Variants in ITGA9 observed in about 807,000 individuals in gnomAD.
The protein encoded by ITGA9 is integrin alpha-9.
In ITGA9, 56 loss-of-function variants were observed where a neutral mutation model predicts 127.8. That is an observed-to-expected ratio of 0.44 (90% CI 0.35 to 0.55). The LOEUF (loss-of-function observed/expected upper bound fraction) is 0.55, where lower values mean the gene tolerates loss of function less well. ITGA9 is among the 20% of genes least tolerant of loss of function. The pLI is 0.00. For synonymous variants in ITGA9, 508 were observed against 514.5 expected (o/e 0.99, Z 0.17); for missense variants, 1,196 against 1,347.1 (o/e 0.89, Z 1.76).
At chr3:37,689,786 C>A (rs757897728) in intron 18 of ITGA9, among the ~76,000 whole-genome samples, 1 of 152,168 alleles carries the variant, frequency 6.6e-6, no homozygotes, top group African/African-American at 2.4e-5. Context: ...GCCCTGGAGC[C>A]GTTTGGCACA....
At chr3:37,549,978 C>T (rs144149511) in intron 15 of ITGA9, among the ~76,000 whole-genome samples, 5 of 152,230 alleles carry the variant, frequency 3.3e-5, no homozygotes, top group East Asian at 1.9e-4. Flanking sequence ...CAGGTAATAG[C>T]GATAAAAGCA....
chr3:37,551,356 G>A (rs1053417933), intron 15 of ITGA9, among the ~76,000 whole-genome samples: 6 of 152,166 alleles, frequency 3.9e-5, no homozygotes, highest in Non-Finnish European at 8.8e-5. Flanking sequence ...TGTTGGGCTT[G>A]CTTGGAGGGG....
chr3:37,794,888 C>T (rs933624220), intron 26 of ITGA9, among the ~76,000 whole-genome samples: 1 of 152,162 alleles, frequency 6.6e-6, no homozygotes, highest in African/African-American at 2.4e-5. Context: ...TTTATGTCGT[C>T]TCCATAAGTC....
chr3:37,564,398 C>T (rs990244495), intron 15 of ITGA9, among the ~76,000 whole-genome samples: 8 of 152,178 alleles, frequency 5.3e-5, no homozygotes, highest in African/African-American at 1.9e-4. Flanking sequence ...CTGGGGTCCT[C>T]ACCATTTATA....
chr3:37,760,471 C>T (rs1001825010), intron 23 of ITGA9, among the ~76,000 whole-genome samples: 1 of 151,880 alleles, frequency 6.6e-6, no homozygotes, highest in African/African-American at 2.4e-5. Flanking sequence ...TTGTGGGACA[C>T]CACAAAGTTT....
At chr3:37,653,163 T>A (rs149009900) in intron 16 of ITGA9, among the ~76,000 whole-genome samples, 1 of 152,308 alleles carries the variant, frequency 6.6e-6, no homozygotes, top group East Asian at 1.9e-4. Flanking sequence ...CTGGAAAGAA[T>A]CTCCCCCAGT....
intron 17 of ITGA9, among the ~76,000 whole-genome samples, chr3:37,674,479 T>C (rs1700663932): frequency 6.6e-6 from 1 of 152,206 alleles, no homozygotes; most frequent in South Asian, 2.1e-4. Flanking sequence ...TGCTGACATG[T>C]ATATCTTCTT....
Position 37,549,299 on chromosome 3 carries a change from A to G in ITGA9, c.1689+6714A>G, listed in dbSNP as rs1408649695. Among the ~76,000 whole-genome samples, 4 of 152,242 alleles carry G rather than the reference A, an allele frequency of 2.6e-5. No individual in the cohort carries two copies. In the East Asian group the frequency reaches 7.7e-4, roughly 29 times the overall value. On this transcript the variant is annotated intron_variant, in intron 15 of 27. Transcript: ENST00000264741. ...TCTTCTGCATTTGGACACTTGCCAC[A>G]GAGGACATTGTGATTAGCAAAGGAA...
intron 15 of ITGA9, among the ~76,000 whole-genome samples, chr3:37,616,552 G>T (rs1432854194): frequency 2.0e-5 from 3 of 152,188 alleles, no homozygotes; most frequent in African/African-American, 7.2e-5. Flanking sequence ...TCTGTCTAAT[G>T]TTGACAGTGG....
intron 26 of ITGA9, among the ~76,000 whole-genome samples, chr3:37,798,715 T>C (rs1187696926): frequency 6.6e-6 from 1 of 152,240 alleles, no homozygotes; most frequent in East Asian, 1.9e-4. Context: ...TAGAATTTAT[T>C]GCCTTGTAGG....
intron 23 of ITGA9, among the ~76,000 whole-genome samples, chr3:37,762,672 C>A (rs144084958): frequency 5.8e-4 from 88 of 152,356 alleles, no homozygotes; most frequent in African/African-American, 2.1e-3. Flanking sequence ...AAGGCCACTT[C>A]TGTCTGCTGG....
chr3:37,677,419 C>G (rs1700694006), intron 17 of ITGA9, among the ~76,000 whole-genome samples: 1 of 152,118 alleles, frequency 6.6e-6, no homozygotes, highest in Non-Finnish European at 1.5e-5. Context: ...TCTCAAATGC[C>G]TCCACAAATT....
intron 15 of ITGA9, among the ~76,000 whole-genome samples, chr3:37,596,379 T>G (rs1013382227): frequency 6.6e-6 from 1 of 152,256 alleles, no homozygotes; most frequent in African/African-American, 2.4e-5. Flanking sequence ...GAGGCGTTTT[T>G]GGAGAAGGCT....
intron 27 of ITGA9, 116 bp from the exon 28 acceptor site, chr3:37,818,775 G>A (rs1370424737): frequency 1.3e-6 from 1 of 765,682 alleles, no homozygotes; most frequent in Non-Finnish European, 2.4e-6. Flanking sequence ...GGTCCTCCAA[G>A]CCTCCCCAGC....
chr3:37,786,957 A>G (rs1185014147), intron 26 of ITGA9, among the ~76,000 whole-genome samples: 1 of 152,222 alleles, frequency 6.6e-6, no homozygotes, highest in Non-Finnish European at 1.5e-5. Flanking sequence ...GCCAGGCACT[A>G]ATTTTAATGA....
intron 18 of ITGA9, among the ~76,000 whole-genome samples, chr3:37,687,763 T>A (rs1700795427): frequency 1.3e-5 from 2 of 151,682 alleles, no homozygotes; most frequent in African/African-American, 2.4e-5. Context: ...TATACTCAGA[T>A]ATATGAGAAT....
At chr3:37,581,707 T>C (rs1337891902) in intron 15 of ITGA9, among the ~76,000 whole-genome samples, 2 of 152,208 alleles carry the variant, frequency 1.3e-5, no homozygotes, top group Non-Finnish European at 2.9e-5. Context: ...ACACCGTAGA[T>C]GACTTCGGTG....
chr3:37,757,704 T>G lies in ITGA9; in HGVS notation c.2541+7135T>G, dbSNP rs139125605. ...ATTTTATTCACACAAAGATAAAATC[T>G]GAATAAAATATGCATGAGGTTAAAA... is the stretch of plus-strand genomic sequence containing the variant. On this transcript the variant is annotated intron_variant, in intron 23 of 27. Coordinates refer to ENST00000264741, the MANE Select transcript of ITGA9 (RefSeq NM_002207.3). 7.1e-3 allele frequency among the ~76,000 whole-genome samples: 1,082 copies of G among 151,484 alleles called. 6 individuals are homozygous for G. The highest frequency in any genetic ancestry group is 0.012 in the Admixed American group (181 of 15,262).
At chr3:37,483,522 C>T (rs1698578011) in intron 4 of ITGA9, among the ~76,000 whole-genome samples, 1 of 152,180 alleles carries the variant, frequency 6.6e-6, no homozygotes, top group Admixed American at 6.5e-5. Context: ...GGGAAGGCAG[C>T]CCATGGAAGA....
Sources: allele counts gnomAD v4.1 joint callset (sites outside exome capture counted in the v4.1 genomes callset), GRCh38; gene constraint gnomAD v4.1.1; transcripts MANE v1.5; gene names NCBI Gene and HGNC (gene_info 2026-07-23, HGNC 2026-07-21).